The following SNX32 variants were observed in gnomAD, a reference collection of about 807,000 sequenced individuals.
SNX32 encodes sorting nexin 32.
SNX32 carries 58 observed loss-of-function variants against 57.0 expected under a neutral mutation model. That is an observed-to-expected ratio of 1.02 (90% CI 0.82 to 1.27). The LOEUF is 1.27. SNX32 is among the 50% of genes most tolerant of loss of function. The pLI, the probability that SNX32 is intolerant of heterozygous loss-of-function variation, is 0.00. For synonymous variants in SNX32, 262 were observed against 220.4 expected (o/e 1.19, Z -1.67); for missense variants, 589 against 541.2 (o/e 1.09, Z -0.88).
chr11:65,847,990 C>T (rs931683857), intron 1 of SNX32, among the ~76,000 whole-genome samples: 8 of 152,096 alleles, frequency 5.3e-5, no homozygotes, highest in Non-Finnish European at 1.0e-4. Flanking sequence ...TCCTTCATGC[C>T]GGACAGCCAG....
At chr11:65,840,273 C>T (rs1858805876) in intron 1 of SNX32, among the ~76,000 whole-genome samples, 2 of 151,996 alleles carry the variant, frequency 1.3e-5, no homozygotes, top group African/African-American at 4.8e-5. Flanking sequence ...GCGGGGAGCT[C>T]CATTAAGCTT....
intron 1 of SNX32, among the ~76,000 whole-genome samples, chr11:65,839,982 C>T (rs1858796454): frequency 6.6e-6 from 1 of 151,738 alleles, no homozygotes; most frequent in African/African-American, 2.4e-5. Flanking sequence ...ATGGAGAAAC[C>T]CCGTCTCTAC....
intron 1 of SNX32, among the ~76,000 whole-genome samples, chr11:65,836,432 T>C (rs942009673): frequency 2.0e-5 from 3 of 151,948 alleles, no homozygotes; most frequent in Non-Finnish European, 4.4e-5. Flanking sequence ...TAATCCCAAC[T>C]ACTTGGGAGA....
intron 1 of SNX32, among the ~76,000 whole-genome samples, chr11:65,847,945 C>A (rs1040477438): frequency 6.6e-6 from 1 of 151,794 alleles, no homozygotes; most frequent in African/African-American, 2.4e-5. Flanking sequence ...GTAGAGATAA[C>A]CCTGTAAACA....
At position 65,851,149 on chromosome 11, in the gene SNX32, G is replaced by A. The variant is rs531208802; in HGVS notation, c.698G>A (p.Arg233His). 4.8e-5 allele frequency: 77 copies of A among 1,612,568 alleles called. No homozygotes were observed. In the Middle Eastern group the frequency reaches 4.9e-4, roughly 10 times the overall value. ...DACLRADRVM[R>H]AHKCLADDYI... ...TGCCTGCGGGCCGACCGCGTCATGC[G>A]CGCCCACAAGTGTACGCAGGGCCCA... The change falls in exon 7 of 13, where the codon CGC (arginine) becomes CAC (histidine). Residue 233 changes from arginine to histidine, a missense_variant. Physicochemically the swap from Arg to His is conservative, Grantham distance 29. Transcript: ENST00000308342.
At chr11:65,843,827 G>C (rs116102721) in intron 1 of SNX32, among the ~76,000 whole-genome samples, 22 of 152,328 alleles carry the variant, frequency 1.4e-4, no homozygotes, top group South Asian at 8.3e-4. Context: ...CAATGGGTTT[G>C]TCTCCAGCAA....
chr11:65,850,677 C>T (rs1216863139), intron 5 of SNX32, 74 bp from the exon 6 acceptor site: 17 of 1,580,060 alleles, frequency 1.1e-5, no homozygotes, highest in South Asian at 4.6e-5. Flanking sequence ...GTCACAGCTC[C>T]GTGAGTGGCT....
intron 1 of SNX32, among the ~76,000 whole-genome samples, chr11:65,837,657 T>C (rs1858703736): frequency 6.6e-6 from 1 of 150,632 alleles, no homozygotes; most frequent in South Asian, 2.1e-4. Flanking sequence ...CCATCTCTAC[T>C]AAAAATACAA....
rs768363728 is a variant in SNX32 at position 65,849,679 on chromosome 11, A to C, written c.141+97A>C. 10 of 1,129,540 alleles carry C rather than the reference A, an allele frequency of 8.9e-6. No individual in the cohort carries two copies. In the African/African-American group the frequency reaches 1.5e-4, roughly 17 times the overall value. 70.0% of individuals were successfully genotyped at this position (1,129,540 alleles called of 1,614,324 possible). ...GCATGTGCCAACACAGCCTGTGGGC[A>C]CTCTTCCTCCACCTGGCACTTGCCC... On this transcript the variant is annotated intron_variant, in intron 2 of 12. Transcript: ENST00000308342.
At chr11:65,844,836 G>T (rs1264074218) in intron 1 of SNX32, among the ~76,000 whole-genome samples, 1 of 151,654 alleles carries the variant, frequency 6.6e-6, no homozygotes, top group African/African-American at 2.4e-5. Context: ...CGTGGTGGCG[G>T]GCACCTGTAT....
At position 65,851,742 on chromosome 11, in the gene SNX32, G is replaced by A. The variant is rs534348451; in HGVS notation, c.825+63G>A. 129 of 1,567,410 alleles carry A rather than the reference G, an allele frequency of 8.2e-5. 2 individuals carry two copies. In the South Asian group the frequency reaches 1.3e-3, roughly 16 times the overall value. On this transcript the variant is annotated intron_variant, in intron 9 of 12. Transcript: ENST00000308342. ...GAGCTTTGCAGGGAAGATGAGTCCT[G>A]GCAGAGGGAAGAGCTCCAGGATCAT...
Position 65,850,792 on chromosome 11 carries a change from G to T in SNX32, c.540G>T (p.Gly180=). 6.2e-7 allele frequency: 1 copy of T among 1,614,100 alleles called. No homozygotes were observed. The highest frequency in any genetic ancestry group is 8.5e-7 in the Non-Finnish European group (1 of 1,180,010). The change falls in exon 6 of 13, where the codon GGG becomes GGT. Residue 180 remains glycine, a synonymous_variant. Coordinates refer to ENST00000308342, the MANE Select transcript of SNX32 (RefSeq NM_152760.3). ...RGKNRKELLG[G]FLRNIVKSAD... ...AGAACAGGAAGGAGCTCCTCGGAGG[G>T]TTTCTGAGGAATATTGTGAAGTCCG...
intron 1 of SNX32, among the ~76,000 whole-genome samples, chr11:65,845,328 C>G (rs566890708): frequency 1.3e-5 from 2 of 151,462 alleles, no homozygotes; most frequent in Admixed American, 1.3e-4. Flanking sequence ...ATCCCAGCTA[C>G]TAGGGAGGCT....
Position 65,850,837 on chromosome 11 carries a change from G to A in SNX32, c.585G>A (p.Thr195=), listed in dbSNP as rs748944398. ...AGTCCGCGGATGAAGCCCTCATCAC[G>A]GGCATGTCAGGGCTCAAGGTAACCC... is the stretch of plus-strand genomic sequence containing the variant. ...IVKSADEALI[T]GMSGLKEVDD... is the part of the protein sequence containing the mutation. The change falls in exon 6 of 13, where the codon ACG becomes ACA. Residue 195 remains threonine (T), a synonymous_variant. Coordinates refer to ENST00000308342, the MANE Select transcript of SNX32 (RefSeq NM_152760.3). 12 of 1,613,626 alleles carry A rather than the reference G, an allele frequency of 7.4e-6. No individual in the cohort carries two copies. Among genetic ancestry groups the A allele is most frequent in the South Asian group, 3.3e-5 (3 of 90,992 alleles).
At position 65,851,401 on chromosome 11, in the gene SNX32, G is replaced by A. The variant is rs377711676; in HGVS notation, c.783G>A (p.Arg261=). 34 of 1,613,998 alleles carry A rather than the reference G, an allele frequency of 2.1e-5. No homozygotes were observed. Among genetic ancestry groups the A allele is most frequent in the Admixed American group, 3.3e-5 (2 of 59,998 alleles). ...SLGTQEVNQL[R]TSFLKLAELF... is the part of the protein sequence containing the mutation. ...GAACACAGGAAGTCAACCAGCTAAG[G>A]ACGTGAGGACTCCCCCCACCCCTAC... The change falls in exon 8 of 13, where the codon AGG becomes AGA. Residue 261 remains arginine, a splice_region_variant and synonymous_variant. Transcript: ENST00000308342.
chr11:65,842,106 A>G (rs557120495), intron 1 of SNX32, among the ~76,000 whole-genome samples: 1 of 152,344 alleles, frequency 6.6e-6, no homozygotes, highest in African/African-American at 2.4e-5. Context: ...GCTTTGCACT[A>G]TCTGATTTCA....
Position 65,851,121 on chromosome 11 carries a change from G to A in SNX32, c.670G>A (p.Ala224Thr). 1 of 1,613,548 alleles carries A rather than the reference G, an allele frequency of 6.2e-7. No individual in the cohort carries two copies. The highest frequency in any genetic ancestry group is 8.5e-7 in the Non-Finnish European group (1 of 1,180,000). The change falls in exon 7 of 13, where the codon GCC (alanine) becomes ACC (threonine). Residue 224 changes from alanine (A) to threonine (T), a missense_variant. Ala to Thr is a moderately conservative substitution (Grantham distance 58). Coordinates refer to ENST00000308342, the MANE Select transcript of SNX32 (RefSeq NM_152760.3). ...GGAGTATCACACCCGTATCCGAGAT[G>A]CCTGCCTGCGGGCCGACCGCGTCAT... ...LLEYHTRIRDACLRADRVMRA... is the reference protein window; with the variant it reads ...LLEYHTRIRDTCLRADRVMRA...
intron 1 of SNX32, among the ~76,000 whole-genome samples, chr11:65,847,162 C>T (rs1859024318): frequency 6.6e-6 from 1 of 152,062 alleles, no homozygotes; most frequent in Admixed American, 6.6e-5. Context: ...TGTGCCACCA[C>T]ACCCAGCTAA....
chr11:65,834,544 CTGTGTG>C (rs370562328), intron 1 of SNX32, among the ~76,000 whole-genome samples: 1 of 145,222 alleles, frequency 6.9e-6, no homozygotes, highest in African/African-American at 2.6e-5. Flanking sequence ...CTGTGCATGT[CTGTGTG>C]TGTGTGTCTG....
Sources: allele counts gnomAD v4.1 joint callset (sites outside exome capture counted in the v4.1 genomes callset), GRCh38; gene constraint gnomAD v4.1.1; transcripts MANE v1.5; gene names NCBI Gene and HGNC (gene_info 2026-07-23, HGNC 2026-07-21).